HECTD4: variants seen among roughly 807,000 people sequenced by gnomAD.
HECTD4 encodes HECT domain E3 ubiquitin protein ligase 4.
HECTD4 carries 114 observed loss-of-function variants against 471.5 expected under a neutral mutation model. The observed-to-expected ratio is 0.24, with a 90% CI of 0.21 to 0.28. HECTD4 has a LOEUF of 0.28. HECTD4 is among the 10% of genes least tolerant of loss of function. The probability of loss-of-function intolerance (pLI) is 1.00; values close to 1 mark genes in which losing one functional copy is unlikely to be tolerated. For missense variants in HECTD4, 3,866 were observed against 5,651.5 expected, an observed-to-expected ratio of 0.68 and a Z score of 10.13; for synonymous variants, 2,012 against 2,256.0, an observed-to-expected ratio of 0.89 and a Z score of 3.07.
At chr12:112,227,343 C>G (rs955995973) in intron 43 of HECTD4, among the ~76,000 whole-genome samples, 1 of 152,000 alleles carries the variant, frequency 6.6e-6, no homozygotes, top group South Asian at 2.1e-4. Flanking sequence ...GCCTGTAATC[C>G]CAGCTACTCA....
Position 112,193,522 on chromosome 12 carries a change from G to C in HECTD4, c.8902C>G (p.Gln2968Glu). The C allele has an allele frequency of 6.2e-7, 1 of 1,612,410 alleles. No individual in the cohort carries two copies. The highest frequency in any genetic ancestry group is 2.2e-5 in the East Asian group (1 of 44,842). The change falls in exon 57 of 76, where the codon CAG (glutamine) becomes GAG (glutamate). Residue 2968 changes from glutamine to glutamate, a missense_variant. Transcript: ENST00000682272. This position sits in a 1 kb window ranked among gnomAD's most constrained non-coding sequence, Gnocchi z 5.2. ...AGCTCTAAAAGGCTCTCCTCGCCCT[G>C]GTGCAGGGTCCGGGTGATGGCCACG... Reference protein sequence around the residue: ...LNVAITRTLHQGEESLLELTK... With the variant: ...LNVAITRTLHEGEESLLELTK...
chr12:112,231,848 T>G (rs2033388114), intron 38 of HECTD4, 133 bp from the exon 39 acceptor site: 1 of 753,744 alleles, frequency 1.3e-6, no homozygotes, highest in Admixed American at 2.8e-5. Flanking sequence ...AAATATTATA[T>G]GTAGAGTAAA....
At chr12:112,323,095 T>C in intron 1 of HECTD4, 1 of 208,762 alleles carries the variant, frequency 4.8e-6, no homozygotes, top group Non-Finnish European at 9.4e-6. Flanking sequence ...GAGCAAGTGT[T>C]GGCTGGGCGC....
chr12:112,340,638 C>A (rs2036038428), intron 1 of HECTD4, among the ~76,000 whole-genome samples: 1 of 152,148 alleles, frequency 6.6e-6, no homozygotes, highest in Non-Finnish European at 1.5e-5. Context: ...GTCAATAGTA[C>A]TGAGGATGAG....
chr12:112,344,559 G>A (rs1440078600), intron 1 of HECTD4, among the ~76,000 whole-genome samples: 2 of 152,208 alleles, frequency 1.3e-5, no homozygotes, highest in African/African-American at 4.8e-5. Context: ...AGACTGGGGG[G>A]AAGATGGCAG....
chr12:112,371,076 T>A (rs1209936852), intron 1 of HECTD4, among the ~76,000 whole-genome samples: 2 of 152,032 alleles, frequency 1.3e-5, no homozygotes, highest in African/African-American at 4.8e-5. Flanking sequence ...CCTTCAGACC[T>A]AGGAAAGAAG....
intron 13 of HECTD4, among the ~76,000 whole-genome samples, chr12:112,269,202 G>T (rs2034360233): frequency 6.6e-6 from 1 of 152,098 alleles, no homozygotes; most frequent in African/African-American, 2.4e-5. Context: ...GTTGATAAAG[G>T]CTTGCATTGT....
intron 55 of HECTD4, among the ~76,000 whole-genome samples, chr12:112,198,818 C>A (rs2032327026): frequency 6.6e-6 from 1 of 152,150 alleles, no homozygotes; most frequent in African/African-American, 2.4e-5. Context: ...AAAGTCAGTT[C>A]TTCTGAAAAC....
At chr12:112,280,858 G>A (rs1249579023) in intron 8 of HECTD4, among the ~76,000 whole-genome samples, 1 of 146,056 alleles carries the variant, frequency 6.8e-6, no homozygotes, top group Admixed American at 7.1e-5. Context: ...GAGCCATCTC[G>A]GCTCACTGCA....
At chr12:112,167,622 T>C (rs1352164708) in intron 71 of HECTD4, 84 bp from the exon 72 acceptor site, 10 of 1,194,214 alleles carry the variant, frequency 8.4e-6, no homozygotes, top group Non-Finnish European at 1.2e-5. Context: ...CACCATACCC[T>C]GTGGCAGGCA....
intron 55 of HECTD4, among the ~76,000 whole-genome samples, chr12:112,196,822 G>A (rs1220785537): frequency 6.6e-6 from 1 of 151,972 alleles, no homozygotes; most frequent in Non-Finnish European, 1.5e-5. Context: ...TTGAGATGGA[G>A]TCTTGCTTTG....
intron 7 of HECTD4, among the ~76,000 whole-genome samples, chr12:112,305,580 A>T (rs2035255608): frequency 6.6e-6 from 1 of 152,114 alleles, no homozygotes; most frequent in Admixed American, 6.5e-5. Flanking sequence ...GCCTGAATAC[A>T]CATCACATTT....
chr12:112,214,696 A>G (rs1022903775), intron 48 of HECTD4, among the ~76,000 whole-genome samples: 12 of 152,118 alleles, frequency 7.9e-5, no homozygotes, highest in Non-Finnish European at 1.6e-4. Flanking sequence ...ACGCTCCCCC[A>G]GCCTACCACC....
Position 112,251,027 on chromosome 12 carries a change from T to A in HECTD4, c.3660A>T (p.Glu1220Asp), listed in dbSNP as rs114104180. The A allele has an allele frequency of 1.1e-3, 1,803 of 1,613,958 alleles. 17 individuals carry two copies. The African/African-American group carries it at 0.021, about 19-fold the overall frequency. Residue 1220 changes from glutamate to aspartate, a missense_variant, in exon 24 of 76, where the codon GAA becomes GAT. By Grantham distance (45) the Glu-to-Asp change is conservative (BLOSUM62 2). Around this residue, in one of 16 missense-constraint regions of HECTD4, gnomAD observed 281 missense variants for 499.9 expected, o/e 0.56. Transcript: ENST00000682272. ...GACAGGCTTCTTCTTCTTTGGTAAT[T>A]TCTGGTCCATTGTACAGGATTCTTA... ...SMLRILYNGP[E>D]ITKEEEACQE... is the part of the protein sequence containing the mutation.
Position 112,171,102 on chromosome 12 carries a change from G to T in HECTD4, c.11932+15C>A, listed in dbSNP as rs748652754. The T allele has an allele frequency of 1.2e-5, 19 of 1,604,168 alleles. No individual in the cohort carries two copies. The highest frequency in any genetic ancestry group is 1.6e-5 in the Non-Finnish European group (19 of 1,173,062). ...TCTCTCTTCCTGCAGGGCCAGGGCA[G>T]GTGCAGGCACTGACCTTTGGCCTCC... On this transcript the variant is annotated intron_variant, in intron 68 of 75. Coordinates refer to ENST00000682272, the MANE Select transcript of HECTD4 (RefSeq NM_001388303.1).
chr12:112,259,161 G>A lies in HECTD4; in HGVS notation c.2978C>T (p.Ala993Val). 6.2e-7 allele frequency: 1 copy of A among 1,613,852 alleles called. No homozygotes were observed. Among genetic ancestry groups the A allele is most frequent in the African/African-American group, 1.3e-5 (1 of 75,040 alleles). Reference protein sequence around the residue: ...MHPNLQTLIMADALMPQLVQL... With the variant: ...MHPNLQTLIMVDALMPQLVQL... ...CACTAGCTGAGGCATCAGGGCATCC[G>A]CCATGATCAGAGTCTGTAAATTTGG... Residue 993 changes from alanine (A) to valine (V), a missense_variant, in exon 19 of 76, where the codon GCG becomes GTG. Around this residue, in one of 16 missense-constraint regions of HECTD4, gnomAD observed 525 missense variants for 672.6 expected, o/e 0.78. Coordinates refer to ENST00000682272, the MANE Select transcript of HECTD4 (RefSeq NM_001388303.1).
chr12:112,217,012 A>G, intron 46 of HECTD4, 22 bp downstream of exon 46: 2 of 1,593,352 alleles, frequency 1.3e-6, no homozygotes, highest in Non-Finnish European at 1.7e-6. Context: ...TGCAAAAGAC[A>G]GTGTGTCATG....
In HECTD4 at chr12:112,313,067, T is replaced by G; in HGVS notation, c.866A>C (p.Asp289Ala). Residue 289 changes from aspartate (D) to alanine (A), a missense_variant, in exon 4 of 76, where the codon GAC becomes GCC. Coordinates refer to ENST00000682272, the MANE Select transcript of HECTD4 (RefSeq NM_001388303.1). ...GKHIVSWGYE[D>A]MLPAPDSNTG... Reference sequence around the variant, plus strand: ...GTTGCTATCCGGCGCAGGCAACATGTCTTCATAACCCCATGATACTATGTG... The same window carrying G: ...GTTGCTATCCGGCGCAGGCAACATGGCTTCATAACCCCATGATACTATGTG... 2 of 1,535,888 alleles carry G rather than the reference T, an allele frequency of 1.3e-6. No homozygotes were observed. The highest frequency in any genetic ancestry group is 1.7e-6 in the Non-Finnish European group (2 of 1,146,792).
chr12:112,255,885 C>A (rs765570746), intron 21 of HECTD4, among the ~76,000 whole-genome samples: 1 of 152,148 alleles, frequency 6.6e-6, no homozygotes, highest in Non-Finnish European at 1.5e-5. Flanking sequence ...GATCCTAGCA[C>A]CTCTGAAACC....
Sources: gnomAD v4.1 joint callset for allele counts (sites outside exome capture counted in the v4.1 genomes callset) on GRCh38, gnomAD v4.1.1 for gene constraint, gnomAD v4.1.1 regional missense constraint, Gnocchi (gnomAD v3.1) non-coding constraint, MANE v1.5 for transcripts, NCBI Gene and HGNC (gene_info 2026-07-23, HGNC 2026-07-21) for gene names.